Variants in CORO7 observed in about 807,000 individuals in gnomAD.
CORO7 encodes coronin-7.
Under a neutral mutation model 126.6 loss-of-function variants are expected in CORO7, and 107 were observed. That is an observed-to-expected ratio of 0.85 (90% CI 0.72 to 0.99). The LOEUF is 0.99. Ranked by LOEUF, CORO7 falls within the 50% of genes least tolerant of loss-of-function variation. The pLI is 0.00. For synonymous variants in CORO7, 603 were observed against 536.8 expected (o/e 1.12, Z -1.70); for missense variants, 1,314 against 1,255.8 (o/e 1.05, Z -0.70).
In CORO7 at chr16:4,357,109, G is replaced by A. The variant is rs574856972; in HGVS notation, c.2685+59C>T. On this transcript the variant is annotated intron_variant, in intron 26 of 27. Coordinates refer to ENST00000251166, the MANE Select transcript of CORO7 (RefSeq NM_024535.5). ...GTTGGGGATGGAGAACTAAGGGGCC[G>A]TGGCCAGGTGCAGCCAGGACTCTGT... The A allele has an allele frequency of 1.4e-4, 231 of 1,604,382 alleles. 1 individual carries two copies. Among genetic ancestry groups the A allele is most frequent in the African/African-American group, 1.3e-3 (95 of 74,894 alleles).
At chr16:4,373,513 A>G (rs1012185368) in intron 9 of CORO7, among the ~76,000 whole-genome samples, 1 of 152,120 alleles carries the variant, frequency 6.6e-6, no homozygotes, top group African/African-American at 2.4e-5. Flanking sequence ...GGGATTCAGC[A>G]TAAGGAGCCT....
intron 9 of CORO7, among the ~76,000 whole-genome samples, chr16:4,372,561 G>C (rs2054574736): frequency 6.6e-6 from 1 of 152,174 alleles, no homozygotes; most frequent in African/African-American, 2.4e-5. Flanking sequence ...AGGGCCCTTA[G>C]AGCTTCGGGT....
At chr16:4,416,030 TC>T in intron 1 of CORO7, 2 of 353,510 alleles carry the variant, frequency 5.7e-6, no homozygotes, top group East Asian at 1.5e-4. Flanking sequence ...GAGGGGCGTC[TC>T]CCCACAGCCC....
rs372269364 is a variant in CORO7, at chr16:4,355,170, C to T, written c.2773-7G>A. 114 of 1,538,542 alleles carry T rather than the reference C, an allele frequency of 7.4e-5. No homozygotes were observed. Among genetic ancestry groups the T allele is most frequent in the Non-Finnish European group, 9.0e-5 (103 of 1,138,762 alleles). On this transcript the variant is annotated splice_region_variant and splice_polypyrimidine_tract_variant and intron_variant, in intron 27 of 27. Transcript: ENST00000251166. The stretch of plus-strand genomic sequence containing the variant: ...ACGGGGGCGCAGGCTAGTCCTGGGG[C>T]GAAACACCAAGAGGTGGGAGGGAGT...
chr16:4,375,010 G>A (rs893810139), intron 9 of CORO7, among the ~76,000 whole-genome samples: 59 of 152,242 alleles, frequency 3.9e-4, no homozygotes, highest in African/African-American at 1.2e-3. Flanking sequence ...GCCGCGTGCC[G>A]AAAGTGGCAT....
intron 9 of CORO7, chr16:4,372,036 G>C (rs1239169531): frequency 1.3e-5 from 2 of 151,948 alleles, no homozygotes; most frequent in Non-Finnish European, 2.9e-5. Context: ...GGGGAAGGGG[G>C]CGCCACGGCC....
chr16:4,357,305 G>T (rs1240475990), intron 25 of CORO7, 46 bp from the exon 26 acceptor site: 1 of 1,526,252 alleles, frequency 6.6e-7, no homozygotes, highest in Non-Finnish European at 8.8e-7. Context: ...CTTCGTTAGG[G>T]CTCTTTGGTG....
intron 9 of CORO7, among the ~76,000 whole-genome samples, chr16:4,370,641 G>A (rs180795932): frequency 6.6e-6 from 1 of 152,356 alleles, no homozygotes; most frequent in Admixed American, 6.5e-5. Context: ...GGGGCCCTGT[G>A]GGGAGAGGGC....
At chr16:4,400,425 G>A (rs963985094) in intron 6 of CORO7, among the ~76,000 whole-genome samples, 1 of 152,196 alleles carries the variant, frequency 6.6e-6, no homozygotes, top group African/African-American at 2.4e-5. Flanking sequence ...CCTGATGTCA[G>A]GAGTTCGAGA....
intron 21 of CORO7, 122 bp from the exon 22 acceptor site, chr16:4,359,743 G>A (rs998280060): frequency 1.5e-6 from 2 of 1,298,798 alleles, no homozygotes; most frequent in Non-Finnish European, 2.1e-6. Context: ...GTGTGGCCCG[G>A]CACCGCAGCC....
chr16:4,410,520 C>G (rs564777242), intron 3 of CORO7, among the ~76,000 whole-genome samples: 3 of 152,300 alleles, frequency 2.0e-5, no homozygotes, highest in Non-Finnish European at 4.4e-5. Context: ...TTGCAGGAGT[C>G]TCAGTTTTCA....
At chr16:4,381,281 G>T in intron 9 of CORO7, 1 of 1,611,088 alleles carries the variant, frequency 6.2e-7, no homozygotes, top group Non-Finnish European at 8.5e-7. Flanking sequence ...GGCAAGAACC[G>T]CATCCGCCAC....
chr16:4,392,365 G>A (rs2055425211), intron 7 of CORO7, among the ~76,000 whole-genome samples: 1 of 152,176 alleles, frequency 6.6e-6, no homozygotes, highest in South Asian at 2.1e-4. Context: ...GACTCTCGGG[G>A]TCTGCACCTC....
intron 9 of CORO7, among the ~76,000 whole-genome samples, chr16:4,367,709 T>C (rs1486240996): frequency 2.6e-5 from 4 of 152,140 alleles, no homozygotes; most frequent in Non-Finnish European, 5.9e-5. Flanking sequence ...GCAAAGGTCC[T>C]GTGGCAGGTG....
At position 4,416,561 on chromosome 16, in the gene CORO7, C is replaced by G. The variant is rs1163990051; in HGVS notation, c.-43G>C. ...CGGACGCGTCTTCGAGGACCCCGGG[C>G]GTCGGGTCTCAGGTGCACGCTGAGC... is the stretch of plus-strand genomic sequence containing the variant. On this transcript the variant is annotated 5_prime_UTR_variant, in exon 1 of 28. Transcript: ENST00000251166. 3 of 1,569,880 alleles carry G rather than the reference C, an allele frequency of 1.9e-6. No homozygotes were observed. The highest frequency in any genetic ancestry group is 1.8e-5 in the Admixed American group (1 of 54,698).
intron 6 of CORO7, among the ~76,000 whole-genome samples, chr16:4,402,175 G>A (rs2055833886): frequency 6.6e-6 from 1 of 152,064 alleles, no homozygotes. Context: ...CTTACCTCAG[G>A]TGATCCGCCT....
intron 9 of CORO7, chr16:4,383,403 A>G (rs988646305): frequency 6.0e-6 from 1 of 167,704 alleles, no homozygotes; most frequent in Admixed American, 6.5e-5. Flanking sequence ...TATATTTATA[A>G]GAGATCCTTT....
intron 9 of CORO7, chr16:4,381,499 G>C: frequency 6.3e-7 from 1 of 1,591,294 alleles, no homozygotes. Flanking sequence ...GCAGCAGCTG[G>C]ACGAGGGGCT....
At position 4,355,038 on chromosome 16, in the gene CORO7, C is replaced by G. The variant is rs1596261415; in HGVS notation, c.*120G>C. On this transcript the variant is annotated 3_prime_UTR_variant, in exon 28 of 28. Coordinates refer to ENST00000251166, the MANE Select transcript of CORO7 (RefSeq NM_024535.5). ...GGATGTGGAAGTGCCCACGGGAAGG[C>G]AGGAGTGCAGGGGTGACATGTGCCG... is the stretch of plus-strand genomic sequence containing the variant. The G allele has an allele frequency of 4.4e-6, 5 of 1,146,164 alleles. No individual in the cohort carries two copies. In the South Asian group the frequency reaches 8.5e-5, roughly 20 times the overall value. 71.0% of individuals were successfully genotyped at this position (1,146,164 alleles called of 1,614,324 possible). A position where few individuals can be genotyped will look rare whatever the true frequency, so the allele number is the denominator to read the frequency against.
Sources: allele counts gnomAD v4.1 joint callset (sites outside exome capture counted in the v4.1 genomes callset), GRCh38; gene constraint gnomAD v4.1.1; transcripts MANE v1.5; gene names NCBI Gene and HGNC (gene_info 2026-07-23, HGNC 2026-07-21).